RPTOR: variants seen among roughly 807,000 people sequenced by gnomAD.
The protein encoded by RPTOR is regulatory-associated protein of mTOR.
RPTOR carries 21 observed loss-of-function variants against 169.9 expected under a neutral mutation model. The ratio of observed to expected loss-of-function variants is 0.12; its 90% CI spans 0.09 to 0.18. The LOEUF (loss-of-function observed/expected upper bound fraction) is 0.18, where lower values mean the gene tolerates loss of function less well. Among genes scored for constraint, RPTOR ranks in the 10% least tolerant of loss-of-function variants. The pLI is 1.00. For missense variants in RPTOR, 1,133 were observed against 1,855.9 expected (o/e 0.61, Z 7.16); for synonymous variants, 732 against 753.2 (o/e 0.97, Z 0.46).
intron 1 of RPTOR, among the ~76,000 whole-genome samples, chr17:80,583,137 T>A (rs1021816628): frequency 4.6e-5 from 7 of 151,342 alleles, no homozygotes; most frequent in Admixed American, 3.3e-4. Context: ...CCAAGCTGTT[T>A]GTTAGAAAAT....
At chr17:80,950,749 C>G (rs2069165763) in intron 28 of RPTOR, among the ~76,000 whole-genome samples, 1 of 152,146 alleles carries the variant, frequency 6.6e-6, no homozygotes, top group African/African-American at 2.4e-5. Flanking sequence ...GCCTGGGGGT[C>G]AGGCCACTCA....
chr17:80,554,663 G>C (rs2084384520), intron 1 of RPTOR, among the ~76,000 whole-genome samples: 1 of 152,062 alleles, frequency 6.6e-6, no homozygotes, highest in Non-Finnish European at 1.5e-5. Context: ...AGAATGGCGT[G>C]AACCCGGGAG....
intron 10 of RPTOR, 24 bp from the exon 11 acceptor site, chr17:80,846,449 G>A (rs2067731555): frequency 1.2e-6 from 2 of 1,609,716 alleles, no homozygotes. Flanking sequence ...GCCCTAACAA[G>A]CACCTGTTCT....
intron 24 of RPTOR, 121 bp from the exon 25 acceptor site, chr17:80,940,375 A>G (rs917065233): frequency 3.6e-5 from 25 of 702,212 alleles, no homozygotes; most frequent in Middle Eastern, 2.7e-4. Flanking sequence ...ACCCTTTCGT[A>G]TTGGGGACTG....
chr17:80,644,258 T>C (rs1214160620), intron 3 of RPTOR, among the ~76,000 whole-genome samples: 1 of 150,246 alleles, frequency 6.7e-6, no homozygotes, highest in Non-Finnish European at 1.5e-5. Flanking sequence ...TGCCTTTGAT[T>C]CAAAAGATAA....
intron 1 of RPTOR, among the ~76,000 whole-genome samples, chr17:80,613,909 G>C (rs1049469291): frequency 1.3e-5 from 2 of 152,250 alleles, no homozygotes; most frequent in African/African-American, 4.8e-5. Context: ...GTCTATCGCA[G>C]CATCATCTCT....
intron 3 of RPTOR, among the ~76,000 whole-genome samples, chr17:80,669,976 A>G (rs1303410727): frequency 6.6e-6 from 1 of 152,192 alleles, no homozygotes; most frequent in East Asian, 1.9e-4. Context: ...TCACTCAGGT[A>G]TCTTTAGATT....
At chr17:80,588,581 A>C (rs1287839193) in intron 1 of RPTOR, among the ~76,000 whole-genome samples, 1 of 152,202 alleles carries the variant, frequency 6.6e-6, no homozygotes, top group Non-Finnish European at 1.5e-5. Flanking sequence ...ATTCCTTTGG[A>C]TATATATACC....
chr17:80,884,998 C>T lies in RPTOR; in HGVS notation c.1843-10C>T, dbSNP rs368165625. On this transcript the variant is annotated splice_polypyrimidine_tract_variant and intron_variant, in intron 16 of 33. Transcript: ENST00000306801. Reference sequence around the variant, plus strand: ...GTGGGACATGCCTGTGACCCCCCGCCGCCTTGCAGGTCCGCTGCGCAGCGG... The same window carrying T: ...GTGGGACATGCCTGTGACCCCCCGCTGCCTTGCAGGTCCGCTGCGCAGCGG... 105 of 1,605,856 alleles carry T rather than the reference C, an allele frequency of 6.5e-5. No homozygotes were observed. Among genetic ancestry groups the T allele is most frequent in the African/African-American group, 2.0e-4 (15 of 74,892 alleles).
At chr17:80,897,996 G>C (rs978035573) in intron 20 of RPTOR, among the ~76,000 whole-genome samples, 3 of 152,162 alleles carry the variant, frequency 2.0e-5, no homozygotes, top group Non-Finnish European at 4.4e-5. Context: ...CCCTGTCCTC[G>C]GGGGCAATTT....
At chr17:80,575,695 G>A (rs1392997202) in intron 1 of RPTOR, among the ~76,000 whole-genome samples, 2 of 152,180 alleles carry the variant, frequency 1.3e-5, no homozygotes, top group African/African-American at 4.8e-5. Context: ...ACAGCTGTTG[G>A]TGCCACCTTT....
intron 1 of RPTOR, among the ~76,000 whole-genome samples, chr17:80,596,726 T>G (rs906386289): frequency 6.6e-6 from 1 of 152,198 alleles, no homozygotes; most frequent in African/African-American, 2.4e-5. Flanking sequence ...GATAAGGCCT[T>G]GATAAAATAA....
At chr17:80,893,426 G>A (rs572821565) in intron 19 of RPTOR, among the ~76,000 whole-genome samples, 1 of 148,594 alleles carries the variant, frequency 6.7e-6, no homozygotes, top group South Asian at 2.2e-4. Flanking sequence ...GGGTGTGTGT[G>A]TGCCAGGGTG....
At chr17:80,775,736 A>G (rs577169942) in intron 6 of RPTOR, among the ~76,000 whole-genome samples, 53 of 152,350 alleles carry the variant, frequency 3.5e-4, no homozygotes, top group African/African-American at 1.3e-3. Flanking sequence ...AATTTATTGC[A>G]CAAATAATAT....
intron 21 of RPTOR, among the ~76,000 whole-genome samples, chr17:80,919,066 C>T (rs1567986580): frequency 6.6e-6 from 1 of 152,214 alleles, no homozygotes; most frequent in African/African-American, 2.4e-5. Context: ...CTTCCCGCAG[C>T]GCCTAGGACT....
chr17:80,750,902 C>G (rs1567892835), intron 5 of RPTOR, among the ~76,000 whole-genome samples: 1 of 152,050 alleles, frequency 6.6e-6, no homozygotes, highest in Admixed American at 6.5e-5. Context: ...TTTTATGCTA[C>G]AGGTAATTTA....
At chr17:80,718,849 T>C (rs1408904482) in intron 4 of RPTOR, among the ~76,000 whole-genome samples, 1 of 152,168 alleles carries the variant, frequency 6.6e-6, no homozygotes, top group Non-Finnish European at 1.5e-5. Flanking sequence ...ATAAATCCTT[T>C]TGATGCCGTG....
At chr17:80,924,654 C>T (rs2068789662) in intron 23 of RPTOR, among the ~76,000 whole-genome samples, 2 of 152,216 alleles carry the variant, frequency 1.3e-5, no homozygotes, top group East Asian at 3.9e-4. Context: ...GCAGCTCACC[C>T]ACCCGACCCC....
At chr17:80,674,818 A>AAAAC (rs1567851462) in intron 3 of RPTOR, among the ~76,000 whole-genome samples, 1 of 115,968 alleles carries the variant, frequency 8.6e-6, no homozygotes, top group Non-Finnish European at 1.8e-5. Flanking sequence ...AAAAAAAAAA[A>AAAAC]AAAAAAACAA....
Sources: gnomAD v4.1 joint callset for allele counts (sites outside exome capture counted in the v4.1 genomes callset) on GRCh38, gnomAD v4.1.1 for gene constraint, MANE v1.5 for transcripts, NCBI Gene and HGNC (gene_info 2026-07-23, HGNC 2026-07-21) for gene names.